The following PCDHGA1 variants were observed in gnomAD, a reference collection of about 807,000 sequenced individuals.
PCDHGA1 encodes protocadherin gamma subfamily A, 1, also known as protocadherin gamma-A1.
Under a neutral mutation model 58.0 loss-of-function variants are expected in PCDHGA1, and 32 were observed. That is an observed-to-expected ratio of 0.55 (90% CI 0.42 to 0.74). The LOEUF (loss-of-function observed/expected upper bound fraction) is 0.74. Ranked by LOEUF, PCDHGA1 falls within the 30% of genes least tolerant of loss-of-function variation. The probability of loss-of-function intolerance (pLI) is 0.00; values close to 1 mark genes in which losing one functional copy is unlikely to be tolerated. For synonymous variants in PCDHGA1, 498 were observed against 501.1 expected, an observed-to-expected ratio of 0.99 and a Z score of 0.08; for missense variants, 1,205 against 1,182.3, an observed-to-expected ratio of 1.02 and a Z score of -0.28.
Position 141,422,952 on chromosome 5 carries a change from C to T in PCDHGA1, c.2422-71855C>T, listed in dbSNP as rs759618535. 11 of 1,614,254 alleles carry T rather than the reference C, an allele frequency of 6.8e-6. No homozygotes were observed. The East Asian group carries it at 2.0e-4, about 29-fold the overall frequency. On this transcript the variant is annotated intron_variant, in intron 1 of 3. Coordinates refer to ENST00000517417, the MANE Select transcript of PCDHGA1 (RefSeq NM_018912.3). ...CCCTCCCCACAGACGGCTCCACTGG[C>T]GTGGAGCTGGCGCCCCGCTCTGCGG...
chr5:141,500,571 C>T (rs1171231755), intron 2 of PCDHGA1, among the ~76,000 whole-genome samples: 1 of 152,196 alleles, frequency 6.6e-6, no homozygotes, highest in African/African-American at 2.4e-5. Context: ...GTCACACTTT[C>T]ATGTGACACT....
chr5:141,424,169 A>G (rs542346399), intron 1 of PCDHGA1: 20 of 225,850 alleles, frequency 8.9e-5, no homozygotes, highest in Middle Eastern at 2.3e-3. Context: ...TCATCTATCT[A>G]TCTATACACA....
At chr5:141,426,667 A>G in intron 1 of PCDHGA1, 2 of 430,860 alleles carry the variant, frequency 4.6e-6, no homozygotes, top group Non-Finnish European at 9.5e-6. Context: ...ATAAATGATA[A>G]CCCACCTCAT....
intron 1 of PCDHGA1, chr5:141,366,487 G>C (rs962948172): frequency 6.2e-7 from 1 of 1,614,236 alleles, no homozygotes; most frequent in East Asian, 2.2e-5. Flanking sequence ...TGAGGCGCTG[G>C]CACAAGTCAC....
At chr5:141,340,188 C>T (rs1028591155) in intron 1 of PCDHGA1, 2 of 1,614,110 alleles carry the variant, frequency 1.2e-6, no homozygotes, top group Admixed American at 3.3e-5. Context: ...CGACTGGTTA[C>T]AACCAGAGCC....
chr5:141,415,081 C>A, intron 1 of PCDHGA1: 2 of 1,613,522 alleles, frequency 1.2e-6, no homozygotes, highest in Non-Finnish European at 1.7e-6. Flanking sequence ...GGCGCGAGCC[C>A]TGCTGGACAG....
intron 1 of PCDHGA1, chr5:141,345,244 T>C (rs374182078): frequency 2.5e-6 from 4 of 1,613,848 alleles, no homozygotes; most frequent in Middle Eastern, 1.6e-4. Flanking sequence ...TATTACCGCT[T>C]AGTGACGGCC....
chr5:141,362,593 A>T, intron 1 of PCDHGA1: 1 of 1,589,406 alleles, frequency 6.3e-7, no homozygotes, highest in South Asian at 1.1e-5. Flanking sequence ...TTCTGGTTTT[A>T]TTGTTTCACC....
rs1416755901 is a variant in PCDHGA1 at position 141,489,721 on chromosome 5, G to C, written c.2422-5086G>C. The C allele has an allele frequency of 6.2e-7, 1 of 1,614,016 alleles. No homozygotes were observed. The highest frequency in any genetic ancestry group is 8.5e-7 in the Non-Finnish European group (1 of 1,179,966). On this transcript the variant is annotated intron_variant, in intron 1 of 3. Coordinates refer to ENST00000517417, the MANE Select transcript of PCDHGA1 (RefSeq NM_018912.3). The surrounding 1 kb of genome is among the most constrained non-coding windows in gnomAD (Gnocchi z 4.5). ...CCCACTGGACAGTGCCCAGGATCCGGATGTGGGCACCAATACTGTGAGCTT... is the reference window on the plus strand; with the variant it reads ...CCCACTGGACAGTGCCCAGGATCCGCATGTGGGCACCAATACTGTGAGCTT...
In PCDHGA1 at chr5:141,366,223, C is replaced by T. The variant is rs141416995; in HGVS notation, c.2421+33118C>T. 8,329 of 1,613,836 alleles carry T rather than the reference C, an allele frequency of 5.2e-3. 46 individuals are homozygous for T. The highest frequency in any genetic ancestry group is 9.4e-3 in the Admixed American group (566 of 60,034). The stretch of plus-strand genomic sequence containing the variant: ...CGGGCGAGGTGCGCACAGCGCGAGC[C>T]CTGCTGGACAGAGACGCGCTCAAGC... On this transcript the variant is annotated intron_variant, in intron 1 of 3. Coordinates refer to ENST00000517417, the MANE Select transcript of PCDHGA1 (RefSeq NM_018912.3).
chr5:141,510,791 A>C (rs1244085822), intron 3 of PCDHGA1, 156 bp from the exon 4 acceptor site: 1 of 929,250 alleles, frequency 1.1e-6, no homozygotes, highest in Non-Finnish European at 1.3e-6. Context: ...AACTCTTGTG[A>C]AGAGAGACTA....
intron 1 of PCDHGA1, chr5:141,442,112 C>CTCG (rs2098300474): frequency 6.0e-6 from 1 of 166,158 alleles, no homozygotes; most frequent in Admixed American, 6.5e-5. Context: ...ACTACCGCCC[C>CTCG]TCGTCGCCGA....
intron 1 of PCDHGA1, chr5:141,418,604 G>C: frequency 6.2e-7 from 1 of 1,614,040 alleles, no homozygotes; most frequent in African/African-American, 1.3e-5. Context: ...CGTGTACAGG[G>C]TTAGCCTTCG....
intron 1 of PCDHGA1, chr5:141,370,922 G>C (rs563952977): frequency 6.2e-7 from 1 of 1,613,978 alleles, no homozygotes; most frequent in Admixed American, 1.7e-5. Context: ...GCCCTGATCC[G>C]CACTTCTCTT....
Position 141,423,275 on chromosome 5 carries a change from C to T in PCDHGA1, c.2422-71532C>T. 1.2e-6 allele frequency: 2 copies of T among 1,614,012 alleles called. No homozygotes were observed. The highest frequency in any genetic ancestry group is 1.7e-6 in the Non-Finnish European group (2 of 1,179,970). ...GACCTCGGCAGCCTCGAGTCTCTGGCTAACTCTGAAACCTCAGACCTCTCG... is the reference window on the plus strand; with the variant it reads ...GACCTCGGCAGCCTCGAGTCTCTGGTTAACTCTGAAACCTCAGACCTCTCG... On this transcript the variant is annotated intron_variant, in intron 1 of 3. Transcript: ENST00000517417.
At position 141,432,816 on chromosome 5, in the gene PCDHGA1, C is replaced by A. The variant is rs778545682; in HGVS notation, c.2422-61991C>A. Reference sequence around the variant, plus strand: ...CTCGAGTCTCCAGCTAACTCTGAAACCTCAGACCTCACTCTGTACCTGGTG... The same window carrying A: ...CTCGAGTCTCCAGCTAACTCTGAAAACTCAGACCTCACTCTGTACCTGGTG... On this transcript the variant is annotated intron_variant, in intron 1 of 3. Transcript: ENST00000517417. The surrounding 1 kb of genome is among the most constrained non-coding windows in gnomAD (Gnocchi z 6.0). The A allele has an allele frequency of 7.6e-5, 122 of 1,614,044 alleles. No individual in the cohort carries two copies. The highest frequency in any genetic ancestry group is 3.3e-5 in the Admixed American group (2 of 60,012).
In PCDHGA1 at chr5:141,431,135, A is replaced by T. The variant is rs140069213; in HGVS notation, c.2422-63672A>T. On this transcript the variant is annotated intron_variant, in intron 1 of 3. Transcript: ENST00000517417. This position sits in a 1 kb window ranked among gnomAD's most constrained non-coding sequence, Gnocchi z 4.8. ...TGGAGTAGAAGTAGAAGTAAGGGAC[A>T]TTAACGACAATGCGCCTTACTTTCG... 1 of 1,614,266 alleles carries T rather than the reference A, an allele frequency of 6.2e-7. No homozygotes were observed. Among genetic ancestry groups the T allele is most frequent in the African/African-American group, 1.3e-5 (1 of 75,078 alleles).
At chr5:141,391,397 C>T (rs1341257748) in intron 1 of PCDHGA1, 1 of 151,598 alleles carries the variant, frequency 6.6e-6, no homozygotes, top group African/African-American at 2.4e-5. Flanking sequence ...CCTCCAGCCT[C>T]AAACTCCTGG....
chr5:141,509,224 T>G (rs1241668369), intron 3 of PCDHGA1, among the ~76,000 whole-genome samples: 3 of 152,176 alleles, frequency 2.0e-5, no homozygotes, highest in Non-Finnish European at 2.9e-5. Flanking sequence ...AATCCCTGGT[T>G]GATGTCCCAG....
Sources: allele counts gnomAD v4.1 joint callset (sites outside exome capture counted in the v4.1 genomes callset), GRCh38; gene constraint gnomAD v4.1.1; non-coding constraint Gnocchi (gnomAD v3.1); transcripts MANE v1.5; gene names NCBI Gene and HGNC (gene_info 2026-07-23, HGNC 2026-07-21).